The following LINGO2 variants were observed in gnomAD, a reference collection of about 807,000 sequenced individuals.
LINGO2 encodes leucine-rich repeat and immunoglobulin-like domain-containing nogo receptor-interacting protein 2.
Under a neutral mutation model 30.6 loss-of-function variants are expected in LINGO2, and 14 were observed. The observed-to-expected ratio is 0.46, with a 90% CI of 0.30 to 0.72. The LOEUF is 0.72. LINGO2 is among the 30% of genes least tolerant of loss of function. The probability of loss-of-function intolerance (pLI) is 0.07; values close to 1 mark genes in which losing one functional copy is unlikely to be tolerated. For missense variants in LINGO2, 729 were observed against 751.7 expected (o/e 0.97, Z 0.35); for synonymous variants, 317 against 288.5 (o/e 1.10, Z -1.00).
upstream of LINGO2, among the ~76,000 whole-genome samples, chr9:28,672,358 G>A (rs1167744814): frequency 6.6e-6 from 1 of 151,848 alleles, no homozygotes; most frequent in East Asian, 1.9e-4. Flanking sequence ...CACTTTTTTT[G>A]TGCCCTGTTT....
chr9:28,480,264 C>A (rs1323923490), intron 1 of LINGO2, among the ~76,000 whole-genome samples: 1 of 151,716 alleles, frequency 6.6e-6, no homozygotes, highest in East Asian at 1.9e-4. Context: ...TTATTTGAGA[C>A]CCACCTTATG....
At chr9:28,486,773 A>T (rs562983275) in intron 1 of LINGO2, among the ~76,000 whole-genome samples, 2 of 152,088 alleles carry the variant, frequency 1.3e-5, no homozygotes, top group Non-Finnish European at 2.9e-5. Flanking sequence ...GTTCCAAAAA[A>T]CCCCACAAAA....
chr9:28,377,372 C>T (rs1412423), intron 2 of LINGO2, among the ~76,000 whole-genome samples: 119,249 of 152,122 alleles, frequency 0.78, 47,968 homozygotes, highest in Middle Eastern at 0.9. Context: ...CTTAATAACA[C>T]CTTCTTTCCT....
At chr9:29,171,339 G>A in the LINGO2 span, among the ~76,000 whole-genome samples, 1 of 152,076 alleles carries the variant, frequency 6.6e-6, no homozygotes, top group Non-Finnish European at 1.5e-5. Context: ...ACACTGAGGA[G>A]AGGAGAACAA....
the LINGO2 span, among the ~76,000 whole-genome samples, chr9:28,740,475 G>A: frequency 3.3e-5 from 5 of 151,666 alleles, no homozygotes; most frequent in Admixed American, 3.3e-4. Context: ...CCTGTTATAC[G>A]TAATATATAT....
At chr9:27,957,563 G>T (rs912247519) in intron 5 of LINGO2, among the ~76,000 whole-genome samples, 2 of 152,144 alleles carry the variant, frequency 1.3e-5, no homozygotes, top group Non-Finnish European at 2.9e-5. Context: ...AAAGTGCTGG[G>T]ATTACAGGCG....
chr9:28,794,976 G>C, the LINGO2 span, among the ~76,000 whole-genome samples: 1 of 151,890 alleles, frequency 6.6e-6, no homozygotes, highest in Non-Finnish European at 1.5e-5. Flanking sequence ...GATTACAGGT[G>C]TGTGCCACCA....
downstream of LINGO2, among the ~76,000 whole-genome samples, chr9:27,945,078 A>G (rs1289468126): frequency 6.6e-6 from 1 of 152,116 alleles, no homozygotes; most frequent in Non-Finnish European, 1.5e-5. Flanking sequence ...CTTTCCTAGA[A>G]ACCCTCAAGA....
At chr9:28,409,380 C>T (rs941301359) in intron 2 of LINGO2, among the ~76,000 whole-genome samples, 14 of 151,966 alleles carry the variant, frequency 9.2e-5, no homozygotes, top group South Asian at 4.1e-4. Context: ...CCATTTCTTA[C>T]GATAGCAAGC....
intron 1 of LINGO2, among the ~76,000 whole-genome samples, chr9:28,542,618 T>C (rs545157426): frequency 6.6e-6 from 1 of 152,250 alleles, no homozygotes; most frequent in Admixed American, 6.5e-5. Flanking sequence ...AGTTCTTTTT[T>C]TTAATGGTAA....
At chr9:28,623,250 T>A (rs1563871441) in intron 1 of LINGO2, among the ~76,000 whole-genome samples, 1 of 152,064 alleles carries the variant, frequency 6.6e-6, no homozygotes, top group East Asian at 1.9e-4. Context: ...GGGGTATTAC[T>A]GAAGAAATTT....
At chr9:28,818,450 T>A in the LINGO2 span, among the ~76,000 whole-genome samples, 1 of 152,164 alleles carries the variant, frequency 6.6e-6, no homozygotes, top group Non-Finnish European at 1.5e-5. Flanking sequence ...AATGGTACAA[T>A]CTAGGCTCAC....
At chr9:28,362,766 A>T (rs1331345632) in intron 3 of LINGO2, among the ~76,000 whole-genome samples, 1 of 152,050 alleles carries the variant, frequency 6.6e-6, no homozygotes, top group East Asian at 1.9e-4. Flanking sequence ...ACCACGCCCG[A>T]CCCAGAAAAG....
At chr9:28,867,533 A>T in the LINGO2 span, among the ~76,000 whole-genome samples, 1 of 152,050 alleles carries the variant, frequency 6.6e-6, no homozygotes, top group Non-Finnish European at 1.5e-5. Flanking sequence ...ACCAATGTAA[A>T]CATTTGCCAT....
chr9:28,950,849 T>A, the LINGO2 span, among the ~76,000 whole-genome samples: 2 of 152,038 alleles, frequency 1.3e-5, no homozygotes, highest in African/African-American at 4.8e-5. Flanking sequence ...ATTCACACTA[T>A]CCCCATCAAG....
chr9:29,019,827 C>T, the LINGO2 span, among the ~76,000 whole-genome samples: 1 of 152,010 alleles, frequency 6.6e-6, no homozygotes. Flanking sequence ...CTTTCTATTC[C>T]ATTCCTTATG....
the LINGO2 span, among the ~76,000 whole-genome samples, chr9:28,990,399 C>T: frequency 6.6e-6 from 1 of 152,218 alleles, no homozygotes; most frequent in African/African-American, 2.4e-5. Flanking sequence ...GGCCTACCTG[C>T]CTCTGTAGGC....
the LINGO2 span, among the ~76,000 whole-genome samples, chr9:28,992,417 G>A: frequency 6.7e-6 from 1 of 148,232 alleles, no homozygotes; most frequent in Non-Finnish European, 1.5e-5. Context: ...AATAATAATG[G>A]GAGACTTTAA....
the LINGO2 span, among the ~76,000 whole-genome samples, chr9:28,937,789 C>CT: frequency 1.3e-4 from 19 of 151,460 alleles, no homozygotes; most frequent in East Asian, 1.9e-4. Flanking sequence ...GATCATTTTT[C>CT]TTTTTTTTTC....
Sources: allele counts gnomAD v4.1 joint callset (sites outside exome capture counted in the v4.1 genomes callset), GRCh38; gene constraint gnomAD v4.1.1; transcripts MANE v1.5; gene names NCBI Gene and HGNC (gene_info 2026-07-23, HGNC 2026-07-21).